PTBP2: variants seen among roughly 807,000 people sequenced by gnomAD.
PTBP2 encodes polypyrimidine tract-binding protein 2.
In PTBP2, 13 loss-of-function variants were observed where a neutral mutation model predicts 61.4. The ratio of observed to expected loss-of-function variants is 0.21; its 90% CI spans 0.14 to 0.34. The LOEUF is 0.34. Among genes scored for constraint, PTBP2 ranks in the 10% least tolerant of loss-of-function variants. The pLI, the probability that PTBP2 is intolerant of heterozygous loss-of-function variation, is 1.00. For missense variants in PTBP2, 405 were observed against 642.6 expected, an observed-to-expected ratio of 0.63 and a Z score of 4.00; for synonymous variants, 215 against 218.5, an observed-to-expected ratio of 0.98 and a Z score of 0.14.
At chr1:96,803,883 C>T (rs1661262293) in intron 8 of PTBP2, among the ~76,000 whole-genome samples, 3 of 152,038 alleles carry the variant, frequency 2.0e-5, no homozygotes, top group South Asian at 2.1e-4. Context: ...ACATATAATT[C>T]GTTTCTTGAG....
At chr1:96,747,676 T>C (rs1288475962) in intron 2 of PTBP2, among the ~76,000 whole-genome samples, 1 of 152,228 alleles carries the variant, frequency 6.6e-6, no homozygotes. Flanking sequence ...AGTTTTTTTG[T>C]TTCTTTTTCT....
At chr1:96,817,050 G>T (rs888155632), downstream of PTBP2, 2 of 152,102 alleles carry the variant, frequency 1.3e-5, no homozygotes, top group African/African-American at 4.8e-5. Flanking sequence ...CAGATGAAAA[G>T]AAACCATGGA....
chr1:96,750,218 A>G (rs183093969), intron 2 of PTBP2, among the ~76,000 whole-genome samples: 47 of 152,116 alleles, frequency 3.1e-4, no homozygotes, highest in African/African-American at 1.0e-3. Flanking sequence ...AGAGTATTCA[A>G]TTAGATCTTA....
At chr1:96,774,017 C>T (rs77515834) in intron 5 of PTBP2, among the ~76,000 whole-genome samples, 5 of 150,160 alleles carry the variant, frequency 3.3e-5, no homozygotes, top group African/African-American at 9.8e-5. Flanking sequence ...TGGCTCATGC[C>T]TGTAATCCCA....
At chr1:96,729,812 A>G (rs112112232) in intron 2 of PTBP2, among the ~76,000 whole-genome samples, 6,675 of 149,380 alleles carry the variant, frequency 0.045, 462 homozygotes, top group African/African-American at 0.15. Context: ...TCTCGGCTCA[A>G]TGCAACCTCC....
intron 5 of PTBP2, among the ~76,000 whole-genome samples, chr1:96,774,842 T>C (rs1336126037): frequency 6.6e-6 from 1 of 152,230 alleles, no homozygotes; most frequent in East Asian, 1.9e-4. Flanking sequence ...TACTACTTTT[T>C]GTCTTGTCTT....
chr1:96,787,985 C>T (rs1468647441), intron 8 of PTBP2, among the ~76,000 whole-genome samples: 1 of 152,090 alleles, frequency 6.6e-6, no homozygotes, highest in Non-Finnish European at 1.5e-5. Context: ...ATTTCTTCAT[C>T]TAAAGGTGAT....
intron 2 of PTBP2, among the ~76,000 whole-genome samples, chr1:96,740,293 T>G (rs2100850346): frequency 6.6e-6 from 1 of 152,298 alleles, no homozygotes. Context: ...CAACTTTCCT[T>G]CTGAGGCCAC....
intron 3 of PTBP2, among the ~76,000 whole-genome samples, chr1:96,762,674 A>ACC (rs547755710): frequency 2.5e-4 from 30 of 118,184 alleles, no homozygotes; most frequent in African/African-American, 9.3e-4. Flanking sequence ...CGGGGGTCTG[A>ACC]CCCCCCCACC....
chr1:96,779,763 T>C (rs1466668080), intron 7 of PTBP2, among the ~76,000 whole-genome samples: 1 of 152,122 alleles, frequency 6.6e-6, no homozygotes, highest in Admixed American at 6.6e-5. Flanking sequence ...TTTGCCCCAT[T>C]ACCTTGTAAT....
At chr1:96,731,900 A>G (rs1254635897) in intron 2 of PTBP2, among the ~76,000 whole-genome samples, 2 of 152,170 alleles carry the variant, frequency 1.3e-5, no homozygotes, top group Non-Finnish European at 2.9e-5. Flanking sequence ...TAATCGGCCT[A>G]TTACTTGGGA....
intron 2 of PTBP2, among the ~76,000 whole-genome samples, chr1:96,750,701 A>G (rs1002186044): frequency 1.3e-5 from 2 of 152,028 alleles, no homozygotes; most frequent in Admixed American, 6.6e-5. Context: ...ACTAATATCC[A>G]TGTATGTAAA....
chr1:96,732,275 T>C (rs1026941750), intron 2 of PTBP2, among the ~76,000 whole-genome samples: 3 of 152,242 alleles, frequency 2.0e-5, no homozygotes, highest in South Asian at 2.1e-4. Context: ...ATAGATGTGT[T>C]ATTCAAAACT....
intron 5 of PTBP2, among the ~76,000 whole-genome samples, chr1:96,773,944 C>T (rs1657697242): frequency 7.4e-6 from 1 of 134,560 alleles, no homozygotes; most frequent in Non-Finnish European, 1.5e-5. Flanking sequence ...GCCTGGGCGA[C>T]AGAGCGAGAC....
rs762812836 is a variant in PTBP2, at chr1:96,721,835, C to T, written c.-30C>T. ...GGCTCGCTGGCTGCGTGGCTCGGTT[C>T]TTGTGAGCGAAGCTTTGTCCGGTTC... On this transcript the variant is annotated 5_prime_UTR_variant, in exon 1 of 14. Transcript: ENST00000674951. The T allele has an allele frequency of 1.3e-6, 2 of 1,560,110 alleles. No individual in the cohort carries two copies. Among genetic ancestry groups the T allele is most frequent in the South Asian group, 2.4e-5 (2 of 84,666 alleles).
intron 7 of PTBP2, 133 bp from the exon 8 acceptor site, chr1:96,784,926 A>C: frequency 1.5e-6 from 1 of 676,646 alleles, no homozygotes; most frequent in African/African-American, 1.9e-5. Context: ...AATTTGATAT[A>C]TGAAATTTGA....
intron 2 of PTBP2, among the ~76,000 whole-genome samples, chr1:96,735,963 C>T (rs941888763): frequency 6.6e-6 from 1 of 152,046 alleles, no homozygotes; most frequent in African/African-American, 2.4e-5. Context: ...TTTAAAGCAG[C>T]CAGAGAAAAT....
At chr1:96,807,932 C>T (rs2101220620) in intron 11 of PTBP2, among the ~76,000 whole-genome samples, 1 of 152,270 alleles carries the variant, frequency 6.6e-6, no homozygotes, top group Admixed American at 6.5e-5. Flanking sequence ...TTTCCTCTTT[C>T]TCTGTGTGCA....
At chr1:96,788,663 G>T (rs537049639) in intron 8 of PTBP2, among the ~76,000 whole-genome samples, 3 of 151,988 alleles carry the variant, frequency 2.0e-5, no homozygotes, top group Admixed American at 6.5e-5. Flanking sequence ...ACAAATATAA[G>T]GTGATACTCT....
Sources: allele counts gnomAD v4.1 joint callset (sites outside exome capture counted in the v4.1 genomes callset), GRCh38; gene constraint gnomAD v4.1.1; transcripts MANE v1.5; gene names NCBI Gene and HGNC (gene_info 2026-07-23, HGNC 2026-07-21).